FRY: variants seen among roughly 807,000 people sequenced by gnomAD.
FRY encodes protein furry homolog.
FRY carries 128 observed loss-of-function variants against 348.4 expected under a neutral mutation model. The ratio of observed to expected loss-of-function variants is 0.37; its 90% CI spans 0.32 to 0.43. The LOEUF is 0.43. Ranked by LOEUF, FRY falls within the 20% of genes least tolerant of loss-of-function variation. FRY has a pLI of 1.00. For synonymous variants in FRY, 1,370 were observed against 1,374.7 expected (o/e 1.00, Z 0.08); for missense variants, 2,736 against 3,695.2 (o/e 0.74, Z 6.73).
chr13:32,124,902 A>G (rs774463397), intron 7 of FRY, 27 bp downstream of exon 7: 12 of 1,507,308 alleles, frequency 8.0e-6, no homozygotes, highest in Non-Finnish European at 1.1e-5. Context: ...ACCCTTTACC[A>G]TGAGAACGTG....
chr13:32,280,137 A>G (rs1294943227), intron 58 of FRY, among the ~76,000 whole-genome samples: 1 of 152,158 alleles, frequency 6.6e-6, no homozygotes, highest in Non-Finnish European at 1.5e-5. Context: ...TGAAGACACC[A>G]CAGCTTGACT....
In FRY at chr13:32,255,245, C is replaced by T. The variant is rs116368705; in HGVS notation, c.7416+851C>T. ...GTTGTCAAGCTCATGTTTAACTGCA[C>T]CAGATTTCCCAAACGACTCTCTGCT... On this transcript the variant is annotated intron_variant, in intron 51 of 60. Coordinates refer to ENST00000542859, the MANE Select transcript of FRY (RefSeq NM_023037.3). Among the ~76,000 whole-genome samples, 680 of 152,216 alleles carry T rather than the reference C, an allele frequency of 4.5e-3. 8 individuals carry two copies. The highest frequency in any genetic ancestry group is 0.015 in the African/African-American group (638 of 41,540).
chr13:32,236,211 C>A, intron 43 of FRY, 39 bp downstream of exon 43: 1 of 1,352,938 alleles, frequency 7.4e-7, no homozygotes, highest in Non-Finnish European at 1.1e-6. Context: ...ATCAAGTATA[C>A]TGCACAGGAG....
Position 32,173,438 on chromosome 13 carries a change from A to T in FRY, c.2223A>T (p.Val741=). 1 of 1,612,926 alleles carries T rather than the reference A, an allele frequency of 6.2e-7. No individual in the cohort carries two copies. Among genetic ancestry groups the T allele is most frequent in the Non-Finnish European group, 8.5e-7 (1 of 1,179,774 alleles). The change falls in exon 19 of 61, where the codon GTA becomes GTT. Residue 741 remains valine (V), a synonymous_variant. Transcript: ENST00000542859. ...RGPHCSVLHA[V]EGFALVLLCS... ...CCCACTGCAGTGTACTCCACGCTGTAGAAGGTTTTGCTCTGGTTTTACTCT... is the reference window on the plus strand; with the variant it reads ...CCCACTGCAGTGTACTCCACGCTGTTGAAGGTTTTGCTCTGGTTTTACTCT...
At chr13:32,111,124 G>C (rs1421635954) in intron 3 of FRY, among the ~76,000 whole-genome samples, 1 of 152,332 alleles carries the variant, frequency 6.6e-6, no homozygotes, top group Middle Eastern at 3.4e-3. Context: ...CCATTGAATT[G>C]TCCCTGCTGA....
At chr13:32,281,763 A>C (rs565764758) in intron 58 of FRY, among the ~76,000 whole-genome samples, 1 of 152,358 alleles carries the variant, frequency 6.6e-6, no homozygotes, top group South Asian at 2.1e-4. Context: ...TATGCCACCT[A>C]ACAAAAGAAG....
At chr13:32,293,158 G>A (rs1889461039) in intron 59 of FRY, among the ~76,000 whole-genome samples, 1 of 152,182 alleles carries the variant, frequency 6.6e-6, no homozygotes, top group Admixed American at 6.5e-5. Context: ...TATACCTGGT[G>A]TGTGTATTCA....
intron 41 of FRY, among the ~76,000 whole-genome samples, chr13:32,232,292 G>A (rs1226717880): frequency 1.3e-5 from 2 of 152,110 alleles, no homozygotes; most frequent in Non-Finnish European, 2.9e-5. Context: ...ATTCTTGGAG[G>A]GTACTTCAGG....
At chr13:32,077,140 G>A (rs1014941622) in intron 1 of FRY, among the ~76,000 whole-genome samples, 9 of 152,142 alleles carry the variant, frequency 5.9e-5, no homozygotes, top group African/African-American at 2.2e-4. Flanking sequence ...GTGCTCACAG[G>A]CCAATGAGGG....
At chr13:32,218,963 A>G (rs1210287916) in intron 36 of FRY, 132 bp downstream of exon 36, 3 of 677,414 alleles carry the variant, frequency 4.4e-6, no homozygotes, top group Non-Finnish European at 8.1e-6. Flanking sequence ...TAATCCACCT[A>G]TGCAGATGAG....
chr13:32,166,332 C>G (rs1440249729), intron 17 of FRY, among the ~76,000 whole-genome samples: 1 of 152,146 alleles, frequency 6.6e-6, no homozygotes, highest in African/African-American at 2.4e-5. Flanking sequence ...CAGCTGAGAC[C>G]TGTTCTTTCT....
In FRY at chr13:32,239,802, C is replaced by T. The variant is rs377616814; in HGVS notation, c.6608C>T (p.Thr2203Met). 67 of 1,613,802 alleles carry T rather than the reference C, an allele frequency of 4.2e-5. No homozygotes were observed. Among genetic ancestry groups the T allele is most frequent in the East Asian group, 2.2e-4 (10 of 44,896 alleles). ...KTHSYTRDCA[T>M]WVNVVCRYLH... is the part of the protein sequence containing the mutation. ...CACAGCTACACGAGGGACTGTGCCA[C>T]GTGGGTCAATGTGGTCTGTCGATAC... Residue 2203 changes from threonine (T) to methionine (M), a missense_variant, in exon 46 of 61, where the codon ACG becomes ATG. By Grantham distance (81) the Thr-to-Met change is moderately conservative. Coordinates refer to ENST00000542859, the MANE Select transcript of FRY (RefSeq NM_023037.3). The surrounding 1 kb of genome is among the most constrained non-coding windows in gnomAD (Gnocchi z 4.3).
chr13:32,145,914 A>C (rs887536915), intron 11 of FRY, among the ~76,000 whole-genome samples: 3 of 152,234 alleles, frequency 2.0e-5, no homozygotes, highest in Non-Finnish European at 2.9e-5. Flanking sequence ...CCCATGCTGC[A>C]GACATTGGAC....
Position 32,244,173 on chromosome 13 carries a change from A to T in FRY, c.6819A>T (p.Lys2273Asn). 6.2e-7 allele frequency: 1 copy of T among 1,613,676 alleles called. No homozygotes were observed. Among genetic ancestry groups the T allele is most frequent in the Non-Finnish European group, 8.5e-7 (1 of 1,179,628 alleles). Reference sequence around the variant, plus strand: ...TGGAAGTTCTGAAGACAATTGAAAAATATGTGCAAGTGAGTACTTGGATAA... The same window carrying T: ...TGGAAGTTCTGAAGACAATTGAAAATTATGTGCAAGTGAGTACTTGGATAA... ...FNVEVLKTIE[K>N]YVQSVHWREA... The change falls in exon 47 of 61, where the codon AAA (lysine) becomes AAT (asparagine). Residue 2273 changes from lysine (K) to asparagine (N), a missense_variant. By Grantham distance (94) the Lys-to-Asn change is moderately conservative (BLOSUM62 0). Around this residue, in one of 9 missense-constraint regions of FRY, gnomAD observed 789 missense variants for 996.2 expected, o/e 0.79. Transcript: ENST00000542859.
chr13:32,132,773 A>ACTAT (rs1250113985), intron 8 of FRY, among the ~76,000 whole-genome samples: 10 of 152,270 alleles, frequency 6.6e-5, no homozygotes, highest in Non-Finnish European at 1.2e-4. Flanking sequence ...GTTGCCAAAA[A>ACTAT]GTGGAAACAA....
chr13:32,253,122 A>C (rs1232534173), intron 50 of FRY, among the ~76,000 whole-genome samples: 1 of 152,216 alleles, frequency 6.6e-6, no homozygotes, highest in Non-Finnish European at 1.5e-5. Context: ...AAATAAGAGA[A>C]GCAGCACTAA....
At chr13:32,147,986 G>A in intron 13 of FRY, 39 bp downstream of exon 13, 2 of 1,138,466 alleles carry the variant, frequency 1.8e-6, no homozygotes, top group African/African-American at 1.5e-5. Context: ...TCTTCTGATG[G>A]TTTTTCAGCA....
intron 1 of FRY, among the ~76,000 whole-genome samples, chr13:32,039,772 A>G (rs1208644558): frequency 6.6e-6 from 1 of 152,238 alleles, no homozygotes; most frequent in Non-Finnish European, 1.5e-5. Context: ...AGCCAAAGCC[A>G]TAACATTTCA....
At chr13:32,224,888 C>A in intron 37 of FRY, 45 bp from the exon 38 acceptor site, 1 of 1,097,258 alleles carries the variant, frequency 9.1e-7, no homozygotes, top group Non-Finnish European at 1.4e-6. Flanking sequence ...CTAGTATTTC[C>A]ATCCCCTTCA....
Sources: allele counts gnomAD v4.1 joint callset (sites outside exome capture counted in the v4.1 genomes callset), GRCh38; gene constraint gnomAD v4.1.1; regional missense constraint gnomAD v4.1.1; non-coding constraint Gnocchi (gnomAD v3.1); transcripts MANE v1.5; gene names NCBI Gene and HGNC (gene_info 2026-07-23, HGNC 2026-07-21).